PKHD1: variants seen among roughly 807,000 people sequenced by gnomAD.
The protein encoded by PKHD1 is PKHD1 ciliary IPT domain containing fibrocystin/polyductin, also known as fibrocystin.
Under a neutral mutation model 412.0 loss-of-function variants are expected in PKHD1, and 291 were observed. The ratio of observed to expected loss-of-function variants is 0.71; its 90% CI spans 0.64 to 0.78. The LOEUF is 0.78. Ranked by LOEUF, PKHD1 falls within the 30% of genes least tolerant of loss-of-function variation. PKHD1 has a pLI of 0.00. For synonymous variants in PKHD1, 1,777 were observed against 1,821.5 expected (o/e 0.98, Z 0.62); for missense variants, 4,825 against 4,950.7 (o/e 0.97, Z 0.76).
chr6:52,082,553 G>A lies in PKHD1; in HGVS notation c.131-11C>T, dbSNP rs1371328792. 3.7e-6 allele frequency: 6 copies of A among 1,613,698 alleles called. No homozygotes were observed. Among genetic ancestry groups the A allele is most frequent in the Admixed American group, 1.7e-5 (1 of 59,994 alleles). ...CACCCAACTCCAAACCTAACACAAG[G>A]GAAAGAAATCTCAGGCTGCATAGAA... On this transcript the variant is annotated splice_polypyrimidine_tract_variant and intron_variant, in intron 3 of 66. Coordinates refer to ENST00000371117, the MANE Select transcript of PKHD1 (RefSeq NM_138694.4).
intron 60 of PKHD1, among the ~76,000 whole-genome samples, chr6:51,696,350 G>A (rs571311336): frequency 5.9e-5 from 9 of 152,198 alleles, no homozygotes; most frequent in Non-Finnish European, 1.3e-4. Flanking sequence ...AAGAAAATGG[G>A]GCTGAAGCTT....
chr6:51,625,728 AAG>A, intron 66 of PKHD1, among the ~76,000 whole-genome samples: 1 of 152,302 alleles, frequency 6.6e-6, no homozygotes, highest in South Asian at 2.1e-4. Context: ...ATATGAGATT[AAG>A]AGAGAGATTA....
rs113908240 is a variant in PKHD1, at chr6:51,864,615, A to G, written c.7733+3248T>C. Among the ~76,000 whole-genome samples the G allele has an allele frequency of 2.6e-5, 4 of 152,286 alleles. No homozygotes were observed. In the East Asian group the frequency reaches 7.7e-4, roughly 29 times the overall value. On this transcript the variant is annotated intron_variant, in intron 48 of 66. Transcript: ENST00000371117. The stretch of plus-strand genomic sequence containing the variant: ...GGATTCTGAGCACCCAGAGAGAAAC[A>G]GGTCTACAGAAAAAAATCATAAATC...
chr6:51,834,171 A>G (rs1768767241), intron 51 of PKHD1, among the ~76,000 whole-genome samples: 1 of 152,130 alleles, frequency 6.6e-6, no homozygotes, highest in Non-Finnish European at 1.5e-5. Flanking sequence ...TTGTTTTTAA[A>G]TGGGAGGCAC....
At chr6:51,658,131 AG>A (rs1214564133) in intron 61 of PKHD1, among the ~76,000 whole-genome samples, 2 of 152,124 alleles carry the variant, frequency 1.3e-5, no homozygotes, top group Non-Finnish European at 2.9e-5. Context: ...AACATGGTGA[AG>A]GTTTGGTAGT....
intron 57 of PKHD1, among the ~76,000 whole-genome samples, chr6:51,750,562 G>A (rs1785941634): frequency 6.6e-6 from 1 of 151,910 alleles, no homozygotes; most frequent in Admixed American, 6.6e-5. Flanking sequence ...TCCCTCCCCG[G>A]GTGCGCCACC....
intron 13 of PKHD1, among the ~76,000 whole-genome samples, chr6:52,063,786 AT>A (rs1264138516): frequency 6.6e-6 from 1 of 152,216 alleles, no homozygotes; most frequent in African/African-American, 2.4e-5. Context: ...GAGGGGCAAC[AT>A]TGCCCCTGGT....
intron 60 of PKHD1, among the ~76,000 whole-genome samples, chr6:51,667,501 T>A (rs1288050984): frequency 6.6e-6 from 1 of 150,562 alleles, no homozygotes; most frequent in Admixed American, 6.6e-5. Context: ...AGGTTGCCTG[T>A]TCACTCTGAT....
intron 35 of PKHD1, among the ~76,000 whole-genome samples, chr6:51,971,517 T>C (rs1212076056): frequency 6.6e-6 from 1 of 152,126 alleles, no homozygotes; most frequent in African/African-American, 2.4e-5. Flanking sequence ...ATGCAGACCT[T>C]TCTTTTGCTC....
chr6:51,982,376 G>A (rs1165886649), intron 35 of PKHD1, among the ~76,000 whole-genome samples: 2 of 121,464 alleles, frequency 1.6e-5, no homozygotes, highest in Non-Finnish European at 3.7e-5. Flanking sequence ...AAGGCGGGAA[G>A]GGTGGGGAAA....
At chr6:51,787,494 C>T (rs73428037) in intron 53 of PKHD1, among the ~76,000 whole-genome samples, 1,818 of 152,186 alleles carry the variant, frequency 0.012, 34 homozygotes, top group African/African-American at 0.041. Flanking sequence ...AGTTTGTTTA[C>T]TAACTAGTCT....
In PKHD1 at chr6:52,017,757, T is replaced by A; in HGVS notation, c.5381-128A>T. The A allele has an allele frequency of 4.1e-6, 3 of 724,596 alleles. No individual in the cohort carries two copies. The South Asian group carries it at 4.5e-5, about 11-fold the overall frequency. 44.9% of individuals were successfully genotyped at this position (724,596 alleles called of 1,614,324 possible). A position where few individuals can be genotyped will look rare whatever the true frequency, so the allele number is the denominator to read the frequency against. On this transcript the variant is annotated intron_variant, in intron 33 of 66. Transcript: ENST00000371117. Reference sequence around the variant, plus strand: ...ATATGAAGTTAGCAGTTTACTTTTTTTAAAATGTATTGTATATGTGTAATG... The same window carrying A: ...ATATGAAGTTAGCAGTTTACTTTTTATAAAATGTATTGTATATGTGTAATG...
At chr6:51,859,938 T>C (rs1031737632) in intron 48 of PKHD1, among the ~76,000 whole-genome samples, 1 of 152,252 alleles carries the variant, frequency 6.6e-6, no homozygotes, top group Non-Finnish European at 1.5e-5. Flanking sequence ...TGCAAACTCC[T>C]TGGCCAACCA....
intron 60 of PKHD1, among the ~76,000 whole-genome samples, chr6:51,739,116 T>TA (rs1183270425): frequency 7.0e-6 from 1 of 143,204 alleles, no homozygotes; most frequent in Non-Finnish European, 1.5e-5. Context: ...TATTTATATA[T>TA]TTTTTTACAT....
intron 65 of PKHD1, among the ~76,000 whole-genome samples, chr6:51,627,453 A>T (rs1383679109): frequency 1.3e-5 from 2 of 152,008 alleles, no homozygotes; most frequent in African/African-American, 4.8e-5. Flanking sequence ...TTTTATATTC[A>T]TTACATGCTG....
intron 60 of PKHD1, among the ~76,000 whole-genome samples, chr6:51,723,578 T>G (rs1472509396): frequency 6.6e-6 from 1 of 152,194 alleles, no homozygotes; most frequent in African/African-American, 2.4e-5. Context: ...TTTCAAAGTG[T>G]GATAACACAA....
At chr6:51,836,920 C>A (rs1024558694) in intron 50 of PKHD1, among the ~76,000 whole-genome samples, 8 of 152,134 alleles carry the variant, frequency 5.3e-5, no homozygotes, top group Admixed American at 4.6e-4. Context: ...TTTAATGAAG[C>A]CTTTTCCCCA....
chr6:51,786,814 C>A (rs11754529), intron 53 of PKHD1, among the ~76,000 whole-genome samples: 88,826 of 151,704 alleles, frequency 0.59, 26,740 homozygotes, highest in East Asian at 0.83. Context: ...TGGCACATGG[C>A]AGACGCTGAG....
At chr6:51,920,951 G>C (rs1444458138) in intron 37 of PKHD1, among the ~76,000 whole-genome samples, 1 of 152,132 alleles carries the variant, frequency 6.6e-6, no homozygotes, top group Non-Finnish European at 1.5e-5. Context: ...TTATATTTCT[G>C]TGGGATAGGT....
Sources: gnomAD v4.1 joint callset for allele counts (sites outside exome capture counted in the v4.1 genomes callset) on GRCh38, gnomAD v4.1.1 for gene constraint, MANE v1.5 for transcripts, NCBI Gene and HGNC (gene_info 2026-07-23, HGNC 2026-07-21) for gene names.